Variants in SNTG2 observed in about 807,000 individuals in gnomAD.
SNTG2 encodes gamma-2-syntrophin.
Under a neutral mutation model 70.9 loss-of-function variants are expected in SNTG2, and 74 were observed. The observed-to-expected ratio is 1.04, with a 90% CI of 0.86 to 1.27. The LOEUF (loss-of-function observed/expected upper bound fraction) is 1.27, where lower values mean the gene tolerates loss of function less well. Ranked by LOEUF, SNTG2 falls within the 50% of genes most tolerant of loss-of-function variation. SNTG2 has a pLI of 0.00. For synonymous variants in SNTG2, 278 were observed against 273.8 expected (o/e 1.02, Z -0.15); for missense variants, 717 against 690.7 (o/e 1.04, Z -0.43).
intron 11 of SNTG2, 142 bp from the exon 12 acceptor site, chr2:1,247,185 T>C: frequency 1.7e-6 from 1 of 586,268 alleles, no homozygotes; most frequent in South Asian, 2.2e-5. Context: ...ATTTGGAAAC[T>C]TGGACATCTC....
chr2:1,194,518 T>G (rs1292562393), intron 8 of SNTG2, among the ~76,000 whole-genome samples: 4 of 152,178 alleles, frequency 2.6e-5, no homozygotes, highest in African/African-American at 9.7e-5. Flanking sequence ...TGGTTGATTC[T>G]TCCTGGCCAA....
chr2:1,340,755 C>T (rs1169091797), intron 16 of SNTG2, among the ~76,000 whole-genome samples: 1 of 152,012 alleles, frequency 6.6e-6, no homozygotes, highest in Non-Finnish European at 1.5e-5. Context: ...CACATTTTTT[C>T]CTAAATGGGA....
intron 1 of SNTG2, among the ~76,000 whole-genome samples, chr2:968,977 C>G (rs1660654060): frequency 6.6e-6 from 1 of 152,080 alleles, no homozygotes; most frequent in Admixed American, 6.6e-5. Flanking sequence ...GGTTTTCCTT[C>G]TAGAGTTTTT....
Position 1,098,346 on chromosome 2 carries a change from C to T in SNTG2, c.268-7C>T, listed in dbSNP as rs1468939389. ...CCACGTTTCTTTCTGATGGCTTTGT[C>T]TTTCAGGGAGGTTCTGAGCACAACG... On this transcript the variant is annotated splice_region_variant and splice_polypyrimidine_tract_variant and intron_variant, in intron 3 of 16. Transcript: ENST00000308624. The T allele has an allele frequency of 1.9e-6, 3 of 1,613,962 alleles. No homozygotes were observed. Among genetic ancestry groups the T allele is most frequent in the Non-Finnish European group, 2.5e-6 (3 of 1,179,886 alleles).
intron 6 of SNTG2, among the ~76,000 whole-genome samples, chr2:1,142,343 C>T (rs1668811191): frequency 6.6e-6 from 1 of 152,236 alleles, no homozygotes; most frequent in Non-Finnish European, 1.5e-5. Context: ...TTCAGTGCTG[C>T]TGCCTGGGCT....
At chr2:1,112,134 T>A (rs910618724) in intron 4 of SNTG2, among the ~76,000 whole-genome samples, 1 of 151,476 alleles carries the variant, frequency 6.6e-6, no homozygotes, top group Non-Finnish European at 1.5e-5. Flanking sequence ...GTATACTAAG[T>A]GAGGTTTAAG....
intron 13 of SNTG2, chr2:1,262,810 C>T (rs535419214): frequency 7.7e-4 from 117 of 151,238 alleles, no homozygotes; most frequent in African/African-American, 2.8e-3. Flanking sequence ...TCGGTCCAGA[C>T]GACGAAACCC....
chr2:1,227,569 C>T (rs1468602862), intron 9 of SNTG2, among the ~76,000 whole-genome samples: 3 of 152,222 alleles, frequency 2.0e-5, no homozygotes, highest in Non-Finnish European at 2.9e-5. Context: ...CCACGGTATC[C>T]ACCCTGGAGT....
At chr2:1,111,019 C>G (rs552572640) in intron 4 of SNTG2, among the ~76,000 whole-genome samples, 46 of 152,284 alleles carry the variant, frequency 3.0e-4, no homozygotes, top group African/African-American at 1.1e-3. Flanking sequence ...TGTCACAAGC[C>G]AAAATCTGCT....
At chr2:1,237,792 A>C in intron 9 of SNTG2, 96 bp from the exon 10 acceptor site, 4 of 1,470,846 alleles carry the variant, frequency 2.7e-6, no homozygotes, top group Non-Finnish European at 3.6e-6. Context: ...TCCTGGGTCC[A>C]GGGTAGAGCC....
intron 1 of SNTG2, among the ~76,000 whole-genome samples, chr2:1,058,748 C>T (rs1048011726): frequency 2.0e-5 from 3 of 152,198 alleles, no homozygotes; most frequent in African/African-American, 7.2e-5. Flanking sequence ...GCTCATGGTT[C>T]ATCTCAAGCA....
intron 14 of SNTG2, among the ~76,000 whole-genome samples, chr2:1,306,786 CTG>C (rs536816136): frequency 7.3e-5 from 11 of 149,860 alleles, no homozygotes; most frequent in African/African-American, 2.7e-4. Context: ...CCTGTGTACT[CTG>C]TGTGTGTGAG....
At chr2:1,167,364 C>T (rs979863330) in intron 7 of SNTG2, among the ~76,000 whole-genome samples, 4 of 149,330 alleles carry the variant, frequency 2.7e-5, no homozygotes, top group Non-Finnish European at 5.9e-5. Flanking sequence ...GCCTACAGGC[C>T]GCCCACGGAT....
chr2:1,309,417 A>C (rs1680869443), intron 15 of SNTG2, among the ~76,000 whole-genome samples: 2 of 152,222 alleles, frequency 1.3e-5, no homozygotes, highest in Non-Finnish European at 2.9e-5. Context: ...CTCTCTACAA[A>C]AAGCAAGACA....
chr2:952,778 A>G lies in SNTG2; in HGVS notation c.72+1710A>G, dbSNP rs150511933. On this transcript the variant is annotated intron_variant, in intron 1 of 16. Coordinates refer to ENST00000308624, the MANE Select transcript of SNTG2 (RefSeq NM_018968.4). Reference sequence around the variant, plus strand: ...ATGTGCTAAGCCTACCTTAGACACCAGTGCATGGTCATGTTAGCTCAGATT... The same window carrying G: ...ATGTGCTAAGCCTACCTTAGACACCGGTGCATGGTCATGTTAGCTCAGATT... Among the ~76,000 whole-genome samples, 711 of 152,346 alleles carry G rather than the reference A, an allele frequency of 4.7e-3. 2 individuals carry two copies. The highest frequency in any genetic ancestry group is 7.5e-3 in the Non-Finnish European group (512 of 68,028).
chr2:1,351,759 T>G (rs866344692), intron 16 of SNTG2, among the ~76,000 whole-genome samples: 1 of 152,186 alleles, frequency 6.6e-6, no homozygotes, highest in African/African-American at 2.4e-5. Flanking sequence ...TTCATCCCAC[T>G]GCTCTGAAGT....
At chr2:1,133,788 A>G (rs930024428) in intron 4 of SNTG2, among the ~76,000 whole-genome samples, 8 of 152,206 alleles carry the variant, frequency 5.3e-5, no homozygotes, top group African/African-American at 1.9e-4. Flanking sequence ...CTTTCATTTA[A>G]TAACTGGGAA....
chr2:1,153,714 G>A (rs192456100), intron 6 of SNTG2, among the ~76,000 whole-genome samples: 1 of 152,324 alleles, frequency 6.6e-6, no homozygotes, highest in East Asian at 1.9e-4. Context: ...TAATTGCACG[G>A]AGCAGTAAAA....
chr2:1,149,471 G>T lies in SNTG2; in HGVS notation c.411+11662G>T, dbSNP rs189965123. Among the ~76,000 whole-genome samples, 37 of 152,238 alleles carry T rather than the reference G, an allele frequency of 2.4e-4. 1 individual carries two copies. Among genetic ancestry groups the T allele is most frequent in the Admixed American group, 1.2e-3 (18 of 15,300 alleles). On this transcript the variant is annotated intron_variant, in intron 6 of 16. Coordinates refer to ENST00000308624, the MANE Select transcript of SNTG2 (RefSeq NM_018968.4). ...TTAAAACTCTACTCAGGGTTTTGCCGCTTATTTTCGTCCATGAGCATATTA... is the reference window on the plus strand; with the variant it reads ...TTAAAACTCTACTCAGGGTTTTGCCTCTTATTTTCGTCCATGAGCATATTA...
Sources: allele counts gnomAD v4.1 joint callset (sites outside exome capture counted in the v4.1 genomes callset), GRCh38; gene constraint gnomAD v4.1.1; transcripts MANE v1.5; gene names NCBI Gene and HGNC (gene_info 2026-07-23, HGNC 2026-07-21).